NRXN3: variants seen among roughly 807,000 people sequenced by gnomAD.
NRXN3 encodes neurexin 3, also known as neurexin III.
NRXN3 carries 32 observed loss-of-function variants against 137.6 expected under a neutral mutation model. That is an observed-to-expected ratio of 0.23 (90% CI 0.18 to 0.31). The LOEUF (loss-of-function observed/expected upper bound fraction) is 0.31. NRXN3 is among the 10% of genes least tolerant of loss of function. The pLI, the probability that NRXN3 is intolerant of heterozygous loss-of-function variation, is 1.00. For synonymous variants in NRXN3, 798 were observed against 784.5 expected (o/e 1.02, Z -0.29); for missense variants, 1,574 against 2,062.5 (o/e 0.76, Z 4.59).
chr14:79,715,031 GCAA>G (rs980125992), intron 19 of NRXN3, among the ~76,000 whole-genome samples: 1 of 152,106 alleles, frequency 6.6e-6, no homozygotes, highest in African/African-American at 2.4e-5. Context: ...GGGGCTCACT[GCAA>G]CCTCTGCCTC....
At chr14:79,001,648 A>G (rs188441221) in intron 15 of NRXN3, among the ~76,000 whole-genome samples, 4 of 152,318 alleles carry the variant, frequency 2.6e-5, no homozygotes, top group Admixed American at 2.0e-4. Context: ...ATCCATACTC[A>G]TGCCTTATCC....
At chr14:78,511,923 T>A (rs1028496920) in intron 4 of NRXN3, among the ~76,000 whole-genome samples, 3 of 152,180 alleles carry the variant, frequency 2.0e-5, no homozygotes, top group African/African-American at 2.4e-5. Context: ...AAGTCCAAGC[T>A]CTACCACTTA....
intron 4 of NRXN3, among the ~76,000 whole-genome samples, chr14:78,613,419 A>G (rs1313688630): frequency 1.3e-5 from 2 of 152,084 alleles, no homozygotes; most frequent in African/African-American, 4.8e-5. Flanking sequence ...CCATTATCTC[A>G]TTTTTATTCA....
intron 10 of NRXN3, among the ~76,000 whole-genome samples, chr14:78,912,711 C>A (rs553865716): frequency 3.9e-5 from 6 of 152,124 alleles, no homozygotes; most frequent in Non-Finnish European, 5.9e-5. Flanking sequence ...TAAATGTGGG[C>A]AGCAGACCAT....
At chr14:79,118,155 GAAA>G (rs761184450) in intron 15 of NRXN3, among the ~76,000 whole-genome samples, 3 of 117,874 alleles carry the variant, frequency 2.5e-5, no homozygotes, top group Admixed American at 8.9e-5. Context: ...ATACATGAGG[GAAA>G]AAAAAAAAAA....
chr14:78,928,077 A>G (rs1170708080), intron 10 of NRXN3, among the ~76,000 whole-genome samples: 1 of 152,092 alleles, frequency 6.6e-6, no homozygotes, highest in East Asian at 1.9e-4. Flanking sequence ...GTGGTACCAA[A>G]TCCCAGTTGT....
intron 8 of NRXN3, among the ~76,000 whole-genome samples, chr14:78,768,570 G>A (rs913603840): frequency 6.6e-6 from 1 of 152,132 alleles, no homozygotes; most frequent in Non-Finnish European, 1.5e-5. Flanking sequence ...GGCAGAAATA[G>A]AGAAAAGATA....
chr14:78,429,244 ATTT>A, intron 4 of NRXN3, among the ~76,000 whole-genome samples: 1 of 151,652 alleles, frequency 6.6e-6, no homozygotes, highest in African/African-American at 2.4e-5. Flanking sequence ...ATATATATAT[ATTT>A]TTTGTATATT....
At chr14:79,068,268 TACTTTA>T (rs1307620921) in intron 15 of NRXN3, among the ~76,000 whole-genome samples, 1 of 152,100 alleles carries the variant, frequency 6.6e-6, no homozygotes, top group African/African-American at 2.4e-5. Flanking sequence ...AGAGAAAGAA[TACTTTA>T]ACTTTAAACC....
intron 15 of NRXN3, among the ~76,000 whole-genome samples, chr14:79,361,989 C>G (rs1269888323): frequency 4.6e-5 from 5 of 109,748 alleles, no homozygotes; most frequent in Non-Finnish European, 9.5e-5. Context: ...ATTCATTCTA[C>G]TTTTATAATT....
intron 4 of NRXN3, among the ~76,000 whole-genome samples, chr14:78,304,023 TG>T (rs2077122790): frequency 6.6e-6 from 1 of 152,120 alleles, no homozygotes; most frequent in Non-Finnish European, 1.5e-5. Flanking sequence ...ATTTTAGATA[TG>T]GGGGGAGGGG....
At chr14:78,200,030 A>G (rs986085330) in intron 1 of NRXN3, among the ~76,000 whole-genome samples, 1 of 152,178 alleles carries the variant, frequency 6.6e-6, no homozygotes, top group African/African-American at 2.4e-5. Flanking sequence ...GGTCCCTCTC[A>G]CCAGATTGTG....
intron 15 of NRXN3, among the ~76,000 whole-genome samples, chr14:79,050,777 C>G (rs970708881): frequency 6.6e-6 from 1 of 152,206 alleles, no homozygotes; most frequent in Non-Finnish European, 1.5e-5. Flanking sequence ...CCTCCACAGA[C>G]TGTGGGCTAC....
chr14:79,438,444 T>C (rs939514842), intron 15 of NRXN3, among the ~76,000 whole-genome samples: 3 of 152,196 alleles, frequency 2.0e-5, no homozygotes, highest in African/African-American at 7.2e-5. Context: ...GCTTCCAAAG[T>C]GGTTCCAGGT....
At chr14:78,213,482 G>T (rs970892959) in intron 1 of NRXN3, among the ~76,000 whole-genome samples, 1 of 152,160 alleles carries the variant, frequency 6.6e-6, no homozygotes, top group African/African-American at 2.4e-5. Flanking sequence ...TGAGTAGGAA[G>T]AGCCTCCTCT....
intron 15 of NRXN3, among the ~76,000 whole-genome samples, chr14:79,348,069 A>C (rs1206928985): frequency 6.6e-6 from 1 of 152,086 alleles, no homozygotes; most frequent in Non-Finnish European, 1.5e-5. Flanking sequence ...TAATCCTTCA[A>C]ATGCCAGCAT....
In NRXN3 at chr14:78,352,956, A is replaced by T. The variant is rs1368374401; in HGVS notation, c.757+55096A>T. On this transcript the variant is annotated intron_variant, in intron 4 of 20. Coordinates refer to ENST00000335750, the MANE Select transcript of NRXN3 (RefSeq NM_001330195.2). ...ACACAGTGATCCAAGAGCTTCAGCC[A>T]TTGAAAGGAGGATGGGATTGGGCTG... Among the ~76,000 whole-genome samples the T allele has an allele frequency of 2.0e-5, 3 of 152,304 alleles. No homozygotes were observed. The East Asian group carries it at 5.8e-4, about 29-fold the overall frequency.
At position 78,612,187 on chromosome 14, in the gene NRXN3, G is replaced by C. The variant is rs78124531; in HGVS notation, c.758-32933G>C. 4.3e-3 allele frequency among the ~76,000 whole-genome samples: 655 copies of C among 152,280 alleles called. 5 individuals are homozygous for C. Among genetic ancestry groups the C allele is most frequent in the African/African-American group, 0.014 (599 of 41,548 alleles). On this transcript the variant is annotated intron_variant, in intron 4 of 20. Coordinates refer to ENST00000335750, the MANE Select transcript of NRXN3 (RefSeq NM_001330195.2). Reference sequence around the variant, plus strand: ...GTTTAAACTTGCTTTCTTACATCCTGTTGGTTGGATTGTCATAGCACCCTC... The same window carrying C: ...GTTTAAACTTGCTTTCTTACATCCTCTTGGTTGGATTGTCATAGCACCCTC...
chr14:78,515,665 A>G (rs777291862), intron 4 of NRXN3, among the ~76,000 whole-genome samples: 11 of 152,098 alleles, frequency 7.2e-5, no homozygotes, highest in Non-Finnish European at 1.6e-4. Context: ...GAGGAAAAAT[A>G]CTGTCTTCAG....
Sources: gnomAD v4.1 joint callset for allele counts (sites outside exome capture counted in the v4.1 genomes callset) on GRCh38, gnomAD v4.1.1 for gene constraint, MANE v1.5 for transcripts, NCBI Gene and HGNC (gene_info 2026-07-23, HGNC 2026-07-21) for gene names.